GRHL1: variants seen among roughly 807,000 people sequenced by gnomAD.
GRHL1 encodes the protein grainyhead like transcription factor 1.
GRHL1 carries 38 observed loss-of-function variants against 75.7 expected under a neutral mutation model. That is an observed-to-expected ratio of 0.50 (90% CI 0.39 to 0.66). The LOEUF is 0.66. Ranked by LOEUF, GRHL1 falls within the 30% of genes least tolerant of loss-of-function variation. The pLI is 0.00. For synonymous variants in GRHL1, 266 were observed against 279.4 expected, an observed-to-expected ratio of 0.95 and a Z score of 0.48; for missense variants, 589 against 767.5, an observed-to-expected ratio of 0.77 and a Z score of 2.75.
At chr2:9,952,414 T>G (rs1279039701) in intron 1 of GRHL1, among the ~76,000 whole-genome samples, 1 of 152,228 alleles carries the variant, frequency 6.6e-6, no homozygotes, top group Non-Finnish European at 1.5e-5. Flanking sequence ...GCTGGCGGCA[T>G]GAGTGGGAAA....
At chr2:9,953,467 AT>A (rs1666886640) in intron 1 of GRHL1, among the ~76,000 whole-genome samples, 1 of 152,204 alleles carries the variant, frequency 6.6e-6, no homozygotes, top group African/African-American at 2.4e-5. Context: ...AATCTTCTCC[AT>A]TTTTAGACAA....
chr2:9,966,322 C>G (rs543289138), intron 8 of GRHL1: 2 of 152,078 alleles, frequency 1.3e-5, no homozygotes, highest in Non-Finnish European at 2.9e-5. Flanking sequence ...CGCTTGAACC[C>G]GGGAGACGGG....
chr2:9,982,457 G>A (rs6432048), intron 8 of GRHL1, among the ~76,000 whole-genome samples: 36,095 of 152,166 alleles, frequency 0.24, 4,523 homozygotes, highest in Admixed American at 0.34. Flanking sequence ...CAGAATCTCT[G>A]GGGTGTAGCC....
intron 8 of GRHL1, chr2:9,966,467 C>T (rs1189724777): frequency 6.6e-6 from 1 of 152,046 alleles, no homozygotes; most frequent in East Asian, 1.9e-4. Flanking sequence ...TAACAGAAGA[C>T]TGATCTTTAG....
intron 8 of GRHL1, among the ~76,000 whole-genome samples, chr2:9,980,289 C>T (rs1668144063): frequency 6.6e-6 from 1 of 151,724 alleles, no homozygotes; most frequent in Admixed American, 6.6e-5. Flanking sequence ...TAAATTCGTT[C>T]AAGATCTGAT....
At chr2:9,973,103 A>G (rs767994740) in intron 8 of GRHL1, among the ~76,000 whole-genome samples, 4 of 152,080 alleles carry the variant, frequency 2.6e-5, no homozygotes, top group Admixed American at 6.5e-5. Context: ...CCTCCTGCCA[A>G]TTCTTTTTCT....
chr2:9,952,067 T>C (rs1249118060), intron 1 of GRHL1, among the ~76,000 whole-genome samples: 2 of 151,454 alleles, frequency 1.3e-5, no homozygotes, highest in Non-Finnish European at 2.9e-5. Context: ...AGAGACCCTG[T>C]CCTCGGGGAA....
At chr2:9,969,140 T>G (rs1458120638) in intron 8 of GRHL1, among the ~76,000 whole-genome samples, 1 of 151,990 alleles carries the variant, frequency 6.6e-6, no homozygotes, top group Non-Finnish European at 1.5e-5. Context: ...ATCTTAAGAG[T>G]CTACAACAGC....
At chr2:9,974,088 C>G (rs1449015642) in intron 8 of GRHL1, among the ~76,000 whole-genome samples, 1 of 152,264 alleles carries the variant, frequency 6.6e-6, no homozygotes, top group Non-Finnish European at 1.5e-5. Flanking sequence ...CTCTGGCTCT[C>G]TATCCGTCAC....
At chr2:9,999,582 G>A (rs1369643593) in intron 15 of GRHL1, among the ~76,000 whole-genome samples, 1 of 152,224 alleles carries the variant, frequency 6.6e-6, no homozygotes, top group Non-Finnish European at 1.5e-5. Flanking sequence ...GCTTTTCGGG[G>A]CCATGGTTGG....
intron 7 of GRHL1, chr2:9,964,938 C>T (rs772605001): frequency 1.4e-5 from 3 of 208,338 alleles, no homozygotes; most frequent in Non-Finnish European, 1.9e-5. Flanking sequence ...TTTTTCTTTA[C>T]CTTTTGTAAT....
In GRHL1 at chr2:9,990,680, T is replaced by C. The variant is rs1668600250; in HGVS notation, c.1270-16T>C. The C allele has an allele frequency of 1.3e-6, 2 of 1,554,446 alleles. No individual in the cohort carries two copies. Among genetic ancestry groups the C allele is most frequent in the African/African-American group, 1.4e-5 (1 of 73,010 alleles). On this transcript the variant is annotated splice_polypyrimidine_tract_variant and intron_variant, in intron 9 of 15. Transcript: ENST00000324907. The surrounding 1 kb of genome is among the most constrained non-coding windows in gnomAD (Gnocchi z 4.2). ...TTGGAAAACAGAATCATATCTTGTCTTCTCTTAACCTACAGGGAGCTGAGC... is the reference window on the plus strand; with the variant it reads ...TTGGAAAACAGAATCATATCTTGTCCTCTCTTAACCTACAGGGAGCTGAGC...
intron 10 of GRHL1, 89 bp from the exon 11 acceptor site, chr2:9,991,918 C>T (rs1668660773): frequency 2.0e-6 from 2 of 1,011,290 alleles, no homozygotes; most frequent in Non-Finnish European, 1.4e-6. Context: ...GAGTATCTTA[C>T]TCAGAGGCGA....
In GRHL1 at chr2:9,992,073, T is replaced by G. The variant is rs1429734068; in HGVS notation, c.1388T>G (p.Phe463Cys). 9.3e-6 allele frequency: 15 copies of G among 1,613,616 alleles called. No individual in the cohort carries two copies. The highest frequency in any genetic ancestry group is 4.0e-5 in the African/African-American group (3 of 74,912). Residue 463 changes from phenylalanine to cysteine, a missense_variant, in exon 11 of 16, where the codon TTC becomes TGC. Phe to Cys is a radical substitution (Grantham distance 205). This residue lies in a region of GRHL1 where 192 missense variants were observed against 226.6 expected (regional missense o/e 0.85). Transcript: ENST00000324907. This position sits in a 1 kb window ranked among gnomAD's most constrained non-coding sequence, Gnocchi z 4.6. ...ATGGATATCACAGTTTTCAAACCCT[T>G]CATTGATCTCGATACTCAGCCTGTC... ...KRMDITVFKP[F>C]IDLDTQPVLF...
chr2:9,999,548 C>T (rs368723413), intron 15 of GRHL1, among the ~76,000 whole-genome samples: 6 of 152,214 alleles, frequency 3.9e-5, no homozygotes, highest in African/African-American at 9.6e-5. Flanking sequence ...TATAGACAGG[C>T]GGCTGAGGCT....
intron 9 of GRHL1, among the ~76,000 whole-genome samples, chr2:9,989,609 T>C (rs1172502327): frequency 6.6e-6 from 1 of 152,144 alleles, no homozygotes; most frequent in Non-Finnish European, 1.5e-5. Flanking sequence ...AGTACAGTGG[T>C]GCGATCCCAG....
intron 1 of GRHL1, 111 bp from the exon 2 acceptor site, chr2:9,954,804 G>A: frequency 1.1e-6 from 1 of 913,372 alleles, no homozygotes; most frequent in Non-Finnish European, 1.8e-6. Context: ...ACTTCCTAGG[G>A]TCATTGATGA....
chr2:9,977,681 A>G (rs777495399), intron 8 of GRHL1, among the ~76,000 whole-genome samples: 6 of 152,178 alleles, frequency 3.9e-5, no homozygotes, highest in Non-Finnish European at 8.8e-5. Context: ...GGAACTTACT[A>G]ACTGCAGTGT....
chr2:9,985,543 CA>C (rs1668381364), intron 8 of GRHL1, among the ~76,000 whole-genome samples: 1 of 152,100 alleles, frequency 6.6e-6, no homozygotes, highest in Admixed American at 6.6e-5. Flanking sequence ...ATTTGATAAC[CA>C]AAAGGTTAAT....
Sources: gnomAD v4.1 joint callset for allele counts (sites outside exome capture counted in the v4.1 genomes callset) on GRCh38, gnomAD v4.1.1 for gene constraint, gnomAD v4.1.1 regional missense constraint, Gnocchi (gnomAD v3.1) non-coding constraint, MANE v1.5 for transcripts, NCBI Gene and HGNC (gene_info 2026-07-23, HGNC 2026-07-21) for gene names.